The following RBFOX3 variants were observed in gnomAD, a reference collection of about 807,000 sequenced individuals.
RBFOX3 encodes the protein RNA binding fox-1 homolog 3, also known as RNA binding protein fox-1 homolog 3.
In RBFOX3, 17 loss-of-function variants were observed where a neutral mutation model predicts 48.7. That is an observed-to-expected ratio of 0.35 (90% CI 0.24 to 0.52). The LOEUF (loss-of-function observed/expected upper bound fraction) is 0.52. RBFOX3 is among the 20% of genes least tolerant of loss of function. The pLI is 0.94. For synonymous variants in RBFOX3, 212 were observed against 209.5 expected, an observed-to-expected ratio of 1.01 and a Z score of -0.10; for missense variants, 382 against 497.5, an observed-to-expected ratio of 0.77 and a Z score of 2.21.
At chr17:79,659,944 T>C in the RBFOX3 span, among the ~76,000 whole-genome samples, 1 of 152,114 alleles carries the variant, frequency 6.6e-6, no homozygotes, top group African/African-American at 2.4e-5. Flanking sequence ...CCCAGCACTT[T>C]GGGAGGCTGA....
intron 3 of RBFOX3, among the ~76,000 whole-genome samples, chr17:79,271,954 G>C (rs1175813062): frequency 7.9e-5 from 12 of 152,244 alleles, no homozygotes; most frequent in Non-Finnish European, 2.9e-5. Flanking sequence ...GGGCCGGCCA[G>C]TTATTCAGCA....
intron 1 of RBFOX3, among the ~76,000 whole-genome samples, chr17:79,593,806 G>A (rs1017547057): frequency 1.1e-4 from 17 of 152,280 alleles, no homozygotes; most frequent in African/African-American, 3.1e-4. Flanking sequence ...CATCTGCAGC[G>A]GCCCAACGTC....
chr17:79,460,074 C>G (rs2075171754), intron 2 of RBFOX3, among the ~76,000 whole-genome samples: 1 of 152,080 alleles, frequency 6.6e-6, no homozygotes, highest in African/African-American at 2.4e-5. Flanking sequence ...GGACAGAATG[C>G]AGAGGGGCAG....
intron 13 of RBFOX3, 33 bp from the exon 14 acceptor site, chr17:79,094,562 AGGGTGGGGGAGGG>A (rs2074759125): frequency 7.0e-5 from 1 of 14,232 alleles, no homozygotes; most frequent in South Asian, 1.0e-3. Context: ...GAGTGGGAGG[AGGGTGGGGGAGGG>A]GGGCAGGTGA....
chr17:79,261,889 G>A (rs9906629), intron 3 of RBFOX3, among the ~76,000 whole-genome samples: 93,838 of 151,980 alleles, frequency 0.62, 29,067 homozygotes, highest in East Asian at 0.72. Flanking sequence ...AGGTGCTCAC[G>A]GCCGGCCCCG....
Position 79,496,474 on chromosome 17 carries a change from C to T in RBFOX3, c.-319-13876G>A, listed in dbSNP as rs2081556628. Among the ~76,000 whole-genome samples, 3 of 152,294 alleles carry T rather than the reference C, an allele frequency of 2.0e-5. No individual in the cohort carries two copies. The South Asian group carries it at 6.2e-4, about 32-fold the overall frequency. On this transcript the variant is annotated intron_variant, in intron 1 of 14. Transcript: ENST00000693108. ...TAACACGCTTTAAAAAATACACTAG[C>T]CAGCAACTGCAACAACATTTGCTTT...
chr17:79,114,681 G>A (rs977306952), intron 5 of RBFOX3, among the ~76,000 whole-genome samples: 2 of 152,158 alleles, frequency 1.3e-5, no homozygotes, highest in Admixed American at 1.3e-4. Flanking sequence ...GCCCAGCCCC[G>A]CCAGCTAGCA....
intron 4 of RBFOX3, among the ~76,000 whole-genome samples, chr17:79,165,607 G>A (rs1332978634): frequency 6.6e-6 from 1 of 152,214 alleles, no homozygotes; most frequent in Non-Finnish European, 1.5e-5. Context: ...CCTGTTTTCT[G>A]GCTCCGGAGC....
intron 2 of RBFOX3, among the ~76,000 whole-genome samples, chr17:79,395,994 G>A (rs1106283): frequency 0.11 from 17,294 of 152,242 alleles, 1,205 homozygotes; most frequent in East Asian, 0.18. Context: ...ACTGGTTTCC[G>A]TTCCAGGATC....
At chr17:79,180,554 G>A (rs930545597) in intron 4 of RBFOX3, among the ~76,000 whole-genome samples, 7 of 152,090 alleles carry the variant, frequency 4.6e-5, no homozygotes, top group African/African-American at 1.4e-4. Context: ...AGGCCTGGCC[G>A]GGTATGGCCC....
intron 1 of RBFOX3, among the ~76,000 whole-genome samples, chr17:79,607,869 T>C (rs1233256074): frequency 6.6e-6 from 1 of 152,182 alleles, no homozygotes; most frequent in African/African-American, 2.4e-5. Flanking sequence ...AATCTCTCCA[T>C]TTCACCGATG....
intron 3 of RBFOX3, among the ~76,000 whole-genome samples, chr17:79,240,306 A>T (rs2062172159): frequency 6.6e-6 from 1 of 152,202 alleles, no homozygotes. Flanking sequence ...AAAACCGCTC[A>T]TGTCAAAATC....
intron 1 of RBFOX3, among the ~76,000 whole-genome samples, chr17:79,544,116 C>T (rs2090082734): frequency 1.3e-5 from 2 of 152,206 alleles, no homozygotes; most frequent in African/African-American, 4.8e-5. Context: ...CACAGTGACC[C>T]TATGAGTCAG....
chr17:79,445,541 C>T (rs1421556507), intron 2 of RBFOX3, among the ~76,000 whole-genome samples: 3 of 152,176 alleles, frequency 2.0e-5, no homozygotes, highest in Non-Finnish European at 4.4e-5. Flanking sequence ...CAAGACAAGC[C>T]CACTTCCAGG....
chr17:79,380,153 G>T (rs1475351122), intron 2 of RBFOX3, among the ~76,000 whole-genome samples: 1 of 139,380 alleles, frequency 7.2e-6, no homozygotes, highest in African/African-American at 2.8e-5. Context: ...AACCCTCCCC[G>T]TCTGGCTCCC....
chr17:79,611,157 T>TCG (rs2093962742), upstream of RBFOX3, among the ~76,000 whole-genome samples: 1 of 24,892 alleles, frequency 4.0e-5, no homozygotes, highest in Non-Finnish European at 1.2e-4. Context: ...TCTCTCTCTC[T>TCG]CTCTCTCTCT....
At chr17:79,119,164 A>T (rs1299335556) in intron 4 of RBFOX3, among the ~76,000 whole-genome samples, 1 of 152,092 alleles carries the variant, frequency 6.6e-6, no homozygotes, top group Admixed American at 6.5e-5. Context: ...CAGAGCCCTG[A>T]GCTAACAAAT....
At chr17:79,544,394 C>T (rs1555791225) in intron 1 of RBFOX3, among the ~76,000 whole-genome samples, 1 of 152,048 alleles carries the variant, frequency 6.6e-6, no homozygotes, top group Non-Finnish European at 1.5e-5. Flanking sequence ...AAGGAGGCAT[C>T]GAGGAAATAC....
intron 2 of RBFOX3, among the ~76,000 whole-genome samples, chr17:79,358,097 C>T (rs1019092119): frequency 1.1e-4 from 17 of 152,104 alleles, no homozygotes; most frequent in African/African-American, 3.4e-4. Context: ...CAGGCACACA[C>T]CACCAGCCTA....
Sources: gnomAD v4.1 joint callset for allele counts (sites outside exome capture counted in the v4.1 genomes callset) on GRCh38, gnomAD v4.1.1 for gene constraint, MANE v1.5 for transcripts, NCBI Gene and HGNC (gene_info 2026-07-23, HGNC 2026-07-21) for gene names.